The following SVEP1 variants were observed in gnomAD, a reference collection of about 807,000 sequenced individuals.
SVEP1 encodes the protein sushi, von Willebrand factor type A, EGF and pentraxin domain-containing protein 1.
A neutral mutation model predicts 367.3 loss-of-function variants in SVEP1; 164 were observed. The observed-to-expected ratio is 0.45, with a 90% CI of 0.39 to 0.51. The LOEUF is 0.51. Ranked by LOEUF, SVEP1 falls within the 20% of genes least tolerant of loss-of-function variation. The pLI, the probability that SVEP1 is intolerant of heterozygous loss-of-function variation, is 0.00. For missense variants in SVEP1, 4,117 were observed against 4,425.3 expected, an observed-to-expected ratio of 0.93 and a Z score of 1.98; for synonymous variants, 1,666 against 1,611.6, an observed-to-expected ratio of 1.03 and a Z score of -0.81.
At chr9:110,374,606 C>T (rs1827322185) in intron 46 of SVEP1, among the ~76,000 whole-genome samples, 2 of 152,196 alleles carry the variant, frequency 1.3e-5, no homozygotes, top group African/African-American at 4.8e-5. Flanking sequence ...GTCAAGATTG[C>T]GCCACTGCAG....
chr9:110,458,805 C>T (rs569851914), intron 19 of SVEP1, 147 bp downstream of exon 19: 6 of 1,015,500 alleles, frequency 5.9e-6, no homozygotes, highest in South Asian at 5.4e-5. Flanking sequence ...GTGTCATGGT[C>T]ATCAAAAATA....
intron 1 of SVEP1, among the ~76,000 whole-genome samples, chr9:110,575,862 T>C (rs1014913669): frequency 3.3e-5 from 5 of 152,278 alleles, no homozygotes; most frequent in African/African-American, 1.2e-4. Flanking sequence ...AAAGGAGCTA[T>C]ATATGGACAA....
At chr9:110,386,208 C>G in intron 42 of SVEP1, 134 bp from the exon 43 acceptor site, 1 of 896,850 alleles carries the variant, frequency 1.1e-6, no homozygotes. Flanking sequence ...ATATGGAACT[C>G]CAAACATTAG....
At chr9:110,573,520 A>G (rs540759137) in intron 1 of SVEP1, among the ~76,000 whole-genome samples, 34 of 151,574 alleles carry the variant, frequency 2.2e-4, no homozygotes, top group African/African-American at 8.2e-4. Flanking sequence ...CGCATCCCCC[A>G]CCAGAGGATC....
intron 3 of SVEP1, among the ~76,000 whole-genome samples, chr9:110,536,078 G>A (rs1830075146): frequency 6.6e-6 from 1 of 151,962 alleles, no homozygotes; most frequent in Admixed American, 6.6e-5. Flanking sequence ...GTATGATGCT[G>A]GCTGTGGATC....
intron 36 of SVEP1, among the ~76,000 whole-genome samples, chr9:110,425,934 G>T (rs1014642127): frequency 6.6e-5 from 10 of 152,104 alleles, no homozygotes; most frequent in Non-Finnish European, 1.3e-4. Context: ...AGTTGTATAT[G>T]GTGATCATGC....
At position 110,546,302 on chromosome 9, in the gene SVEP1, CAT is replaced by C; in HGVS notation, c.788-13_788-12del. ...TCCCAGAAGGTAGATCTACAAATAACATATGACAGAGGGCGATAAAAATGAGT... is the reference window on the plus strand; with the variant it reads ...TCCCAGAAGGTAGATCTACAAATAACATGACAGAGGGCGATAAAAATGAGT... On this transcript the variant is annotated splice_polypyrimidine_tract_variant and intron_variant, in intron 2 of 47. Transcript: ENST00000374469. The C allele has an allele frequency of 6.3e-7, 1 of 1,574,992 alleles. No homozygotes were observed. The highest frequency in any genetic ancestry group is 1.3e-5 in the African/African-American group (1 of 74,280).
intron 10 of SVEP1, 48 bp from the exon 11 acceptor site, chr9:110,482,540 T>G (rs902949377): frequency 6.5e-7 from 1 of 1,545,520 alleles, no homozygotes; most frequent in Non-Finnish European, 8.7e-7. Context: ...TTCACAATAT[T>G]TTTTTTGAAA....
intron 1 of SVEP1, among the ~76,000 whole-genome samples, chr9:110,551,807 G>A (rs555694467): frequency 6.6e-6 from 1 of 152,008 alleles, no homozygotes; most frequent in Non-Finnish European, 1.5e-5. Context: ...AAGAGTTAGG[G>A]GAGAATGAGA....
At chr9:110,526,315 A>C (rs1203453405) in intron 3 of SVEP1, among the ~76,000 whole-genome samples, 5 of 152,104 alleles carry the variant, frequency 3.3e-5, no homozygotes, top group African/African-American at 1.2e-4. Flanking sequence ...TATATAAAGA[A>C]CTCTCATAAC....
chr9:110,477,526 C>T lies in SVEP1; in HGVS notation c.2488-1211G>A, dbSNP rs142636452. ...TCCTTTCTTAGAAAATTATTTTACA[C>T]CACCTCTCTCTTCTGAAGCCTCCAA... is the stretch of plus-strand genomic sequence containing the variant. On this transcript the variant is annotated intron_variant, in intron 13 of 47. Coordinates refer to ENST00000374469, the MANE Select transcript of SVEP1 (RefSeq NM_153366.4). Among the ~76,000 whole-genome samples the T allele has an allele frequency of 4.0e-3, 602 of 152,282 alleles. 7 individuals carry two copies. The highest frequency in any genetic ancestry group is 0.014 in the African/African-American group (580 of 41,556).
intron 8 of SVEP1, among the ~76,000 whole-genome samples, chr9:110,494,763 T>C (rs1302605336): frequency 1.3e-5 from 2 of 149,210 alleles, no homozygotes; most frequent in African/African-American, 2.5e-5. Flanking sequence ...GGGGTTTTTT[T>C]CCCCAATTGT....
intron 1 of SVEP1, among the ~76,000 whole-genome samples, chr9:110,565,864 G>A (rs1564178051): frequency 1.3e-5 from 2 of 151,964 alleles, no homozygotes; most frequent in African/African-American, 2.4e-5. Flanking sequence ...CTGACAACAT[G>A]ACATAGAGGT....
chr9:110,397,144 C>T (rs1785216879), intron 40 of SVEP1, among the ~76,000 whole-genome samples: 1 of 152,168 alleles, frequency 6.6e-6, no homozygotes, highest in Non-Finnish European at 1.5e-5. Context: ...GCTTATCCAC[C>T]ATGATCAAGT....
chr9:110,390,193 A>G (rs1228354290), intron 40 of SVEP1, among the ~76,000 whole-genome samples: 2 of 122,610 alleles, frequency 1.6e-5, no homozygotes, highest in African/African-American at 6.2e-5. Flanking sequence ...ATATACACTT[A>G]TATAAGTATG....
intron 2 of SVEP1, among the ~76,000 whole-genome samples, chr9:110,548,035 G>A (rs1449716992): frequency 6.6e-6 from 1 of 152,172 alleles, no homozygotes; most frequent in Non-Finnish European, 1.5e-5. Flanking sequence ...ACAGAGGGAT[G>A]ACAGGAGCTG....
At chr9:110,384,943 G>A (rs1009866760) in intron 43 of SVEP1, among the ~76,000 whole-genome samples, 1 of 152,256 alleles carries the variant, frequency 6.6e-6, no homozygotes, top group Middle Eastern at 3.4e-3. Flanking sequence ...GACAACAAAT[G>A]AGCCTGGAGG....
intron 3 of SVEP1, among the ~76,000 whole-genome samples, chr9:110,527,755 G>A (rs1297409585): frequency 6.6e-6 from 1 of 151,738 alleles, no homozygotes; most frequent in Non-Finnish European, 1.5e-5. Context: ...ATTGTATAGT[G>A]ATAAAGTCTA....
chr9:110,486,062 T>C (rs1564156177), intron 9 of SVEP1, among the ~76,000 whole-genome samples: 1 of 152,176 alleles, frequency 6.6e-6, no homozygotes, highest in Non-Finnish European at 1.5e-5. Context: ...TGCTCATGTT[T>C]GGATCTCCAC....
Sources: allele counts gnomAD v4.1 joint callset (sites outside exome capture counted in the v4.1 genomes callset), GRCh38; gene constraint gnomAD v4.1.1; transcripts MANE v1.5; gene names NCBI Gene and HGNC (gene_info 2026-07-23, HGNC 2026-07-21).